SNTG2: variants seen among roughly 807,000 people sequenced by gnomAD.
SNTG2 encodes gamma-2-syntrophin.
Under a neutral mutation model 70.9 loss-of-function variants are expected in SNTG2, and 74 were observed. That is an observed-to-expected ratio of 1.04 (90% CI 0.86 to 1.27). The LOEUF is 1.27. Among genes scored for constraint, SNTG2 ranks in the 50% most tolerant of loss-of-function variants. The probability of loss-of-function intolerance (pLI) is 0.00; values close to 1 mark genes in which losing one functional copy is unlikely to be tolerated. For synonymous variants in SNTG2, 278 were observed against 273.8 expected (o/e 1.02, Z -0.15); for missense variants, 717 against 690.7 (o/e 1.04, Z -0.43).
chr2:997,741 C>T (rs893715027), intron 1 of SNTG2, among the ~76,000 whole-genome samples: 9 of 152,196 alleles, frequency 5.9e-5, no homozygotes, highest in Admixed American at 2.0e-4. Context: ...CCCAGGCCAC[C>T]GGGCATTCCA....
At chr2:1,112,357 G>C (rs1423247347) in intron 4 of SNTG2, among the ~76,000 whole-genome samples, 2 of 151,292 alleles carry the variant, frequency 1.3e-5, no homozygotes. Flanking sequence ...GAGAAGAATC[G>C]TGTGTACTAA....
intron 1 of SNTG2, among the ~76,000 whole-genome samples, chr2:952,173 G>C (rs1659996642): frequency 6.6e-6 from 1 of 152,132 alleles, no homozygotes; most frequent in African/African-American, 2.4e-5. Context: ...TTTGTAATAT[G>C]AATAGCTATC....
At chr2:1,182,246 AT>A in intron 8 of SNTG2, among the ~76,000 whole-genome samples, 2 of 152,106 alleles carry the variant, frequency 1.3e-5, no homozygotes, top group East Asian at 3.9e-4. Context: ...TGCAAGTCTA[AT>A]GTGGGACTCA....
At chr2:1,366,690 C>G (rs2148327545) in intron 16 of SNTG2, among the ~76,000 whole-genome samples, 1 of 152,308 alleles carries the variant, frequency 6.6e-6, no homozygotes, top group South Asian at 2.1e-4. Context: ...TGCACACTGC[C>G]TATTCTGCGC....
chr2:1,173,038 A>G, intron 7 of SNTG2, 54 bp from the exon 8 acceptor site: 1 of 1,509,866 alleles, frequency 6.6e-7, no homozygotes. Flanking sequence ...GCATGGTCAC[A>G]GTGTGCTTTG....
At chr2:1,020,357 C>T (rs907499812) in intron 1 of SNTG2, among the ~76,000 whole-genome samples, 1 of 152,198 alleles carries the variant, frequency 6.6e-6, no homozygotes, top group Non-Finnish European at 1.5e-5. Context: ...CCACTTCTGG[C>T]CCCTGGACTG....
chr2:1,241,864 A>G (rs1294515917), intron 11 of SNTG2, among the ~76,000 whole-genome samples: 2 of 152,198 alleles, frequency 1.3e-5, no homozygotes, highest in Non-Finnish European at 1.5e-5. Context: ...TGACAAAGCA[A>G]AAAGCCAAAG....
chr2:1,179,306 A>G (rs551385732), intron 8 of SNTG2, among the ~76,000 whole-genome samples: 7 of 152,178 alleles, frequency 4.6e-5, no homozygotes, highest in Admixed American at 2.6e-4. Context: ...TATTTCCTTC[A>G]GTTCTGCTCT....
chr2:1,085,140 A>AT (rs1664599848), intron 2 of SNTG2, among the ~76,000 whole-genome samples: 1 of 151,904 alleles, frequency 6.6e-6, no homozygotes, highest in African/African-American at 2.4e-5. Flanking sequence ...ACTAACCATT[A>AT]TTTTTTTTCC....
chr2:1,195,408 CG>C (rs556407017), intron 8 of SNTG2, among the ~76,000 whole-genome samples: 34 of 152,132 alleles, frequency 2.2e-4, no homozygotes, highest in Non-Finnish European at 3.7e-4. Context: ...TTTTAATGAT[CG>C]CCATTCCAAC....
At chr2:1,216,497 C>T (rs944522464) in intron 9 of SNTG2, among the ~76,000 whole-genome samples, 4 of 152,264 alleles carry the variant, frequency 2.6e-5, no homozygotes, top group African/African-American at 7.2e-5. Context: ...TTCTCCCATT[C>T]TGTAGGTTGC....
chr2:1,252,664 C>T (rs1677835430), intron 12 of SNTG2, among the ~76,000 whole-genome samples: 2 of 152,136 alleles, frequency 1.3e-5, no homozygotes, highest in Admixed American at 6.6e-5. Flanking sequence ...CCTATTAATG[C>T]TTGGCGGTGG....
intron 6 of SNTG2, among the ~76,000 whole-genome samples, chr2:1,153,362 A>G (rs1046662912): frequency 2.0e-5 from 3 of 152,192 alleles, no homozygotes; most frequent in Admixed American, 6.5e-5. Flanking sequence ...GCACCCATTA[A>G]CCCTTGTTAC....
chr2:962,144 A>G (rs998451706), intron 1 of SNTG2, among the ~76,000 whole-genome samples: 2 of 152,196 alleles, frequency 1.3e-5, no homozygotes, highest in African/African-American at 4.8e-5. Flanking sequence ...AGCTTACTGC[A>G]GCCTTGAACT....
intron 13 of SNTG2, among the ~76,000 whole-genome samples, chr2:1,262,690 G>C (rs1202757989): frequency 7.0e-6 from 1 of 141,852 alleles, no homozygotes; most frequent in African/African-American, 2.7e-5. Flanking sequence ...CAACCGGAAG[G>C]CTCCGTCCAG....
intron 12 of SNTG2, among the ~76,000 whole-genome samples, chr2:1,257,243 A>C (rs1678170806): frequency 6.6e-6 from 1 of 152,080 alleles, no homozygotes; most frequent in Non-Finnish European, 1.5e-5. Flanking sequence ...CCACCTTCTT[A>C]CCTGTGTCTG....
intron 1 of SNTG2, among the ~76,000 whole-genome samples, chr2:1,057,872 T>C (rs1425185804): frequency 6.6e-6 from 1 of 152,102 alleles, no homozygotes; most frequent in African/African-American, 2.4e-5. Context: ...ACCCCATCTC[T>C]ACAAAAGATT....
intron 14 of SNTG2, among the ~76,000 whole-genome samples, chr2:1,269,311 C>G (rs1249219358): frequency 6.6e-6 from 1 of 151,996 alleles, no homozygotes; most frequent in Non-Finnish European, 1.5e-5. Flanking sequence ...AGAGACCAGC[C>G]CAGGCAACCA....
chr2:1,273,556 C>A (rs115067017), intron 14 of SNTG2, among the ~76,000 whole-genome samples: 3 of 151,780 alleles, frequency 2.0e-5, no homozygotes, highest in Non-Finnish European at 4.4e-5. Flanking sequence ...GAAAGGAAAG[C>A]CTTCTGGACA....
Sources: gnomAD v4.1 joint callset for allele counts (sites outside exome capture counted in the v4.1 genomes callset) on GRCh38, gnomAD v4.1.1 for gene constraint, MANE v1.5 for transcripts, NCBI Gene and HGNC (gene_info 2026-07-23, HGNC 2026-07-21) for gene names.